The following ARMH4 variants were observed in gnomAD, a reference collection of about 807,000 sequenced individuals.
ARMH4 encodes the protein armadillo like helical domain containing 4.
A neutral mutation model predicts 61.9 loss-of-function variants in ARMH4; 49 were observed. The observed-to-expected ratio is 0.79, with a 90% CI of 0.63 to 1.00. The LOEUF (loss-of-function observed/expected upper bound fraction) is 1.00, where lower values mean the gene tolerates loss of function less well. Among genes scored for constraint, ARMH4 ranks in the 50% least tolerant of loss-of-function variants. The probability of loss-of-function intolerance (pLI) is 0.00; values close to 1 mark genes in which losing one functional copy is unlikely to be tolerated. For missense variants in ARMH4, 934 were observed against 930.0 expected (o/e 1.00, Z -0.06); for synonymous variants, 368 against 341.5 (o/e 1.08, Z -0.85).
At chr14:58,094,426 G>A (rs927436137) in intron 5 of ARMH4, among the ~76,000 whole-genome samples, 3 of 151,622 alleles carry the variant, frequency 2.0e-5, no homozygotes, top group Non-Finnish European at 2.9e-5. Context: ...CCTCAAGCCT[G>A]ACAAGCCTTA....
At chr14:58,121,596 T>C (rs1886727686) in intron 4 of ARMH4, among the ~76,000 whole-genome samples, 1 of 152,230 alleles carries the variant, frequency 6.6e-6, no homozygotes, top group Non-Finnish European at 1.5e-5. Context: ...TTAGCAAACG[T>C]GATGAACATT....
chr14:58,064,053 T>C (rs184277558), intron 5 of ARMH4, among the ~76,000 whole-genome samples: 30 of 152,342 alleles, frequency 2.0e-4, no homozygotes, highest in African/African-American at 4.1e-4. Context: ...GATTTAGCTA[T>C]ACTTACAATA....
intron 5 of ARMH4, among the ~76,000 whole-genome samples, chr14:58,048,787 A>C (rs766352158): frequency 1.9e-4 from 29 of 152,358 alleles, no homozygotes; most frequent in Non-Finnish European, 3.8e-4. Context: ...AGTGACTGAC[A>C]TTGAGTGTGA....
At position 58,100,606 on chromosome 14, in the gene ARMH4, G is replaced by A. The variant is rs894571344; in HGVS notation, c.1832-3625C>T. Among the ~76,000 whole-genome samples, 9 of 152,256 alleles carry A rather than the reference G, an allele frequency of 5.9e-5. No homozygotes were observed. The South Asian group carries it at 1.0e-3, about 18-fold the overall frequency. On this transcript the variant is annotated intron_variant, in intron 4 of 7. Coordinates refer to ENST00000267485, the MANE Select transcript of ARMH4 (RefSeq NM_001001872.4). ...GAGGCTGGATAGAGGAAACATGATGGAAATTTAGGTTATTAGGAAAACTAT... is the reference window on the plus strand; with the variant it reads ...GAGGCTGGATAGAGGAAACATGATGAAAATTTAGGTTATTAGGAAAACTAT...
chr14:58,044,118 A>C (rs1883834571), intron 5 of ARMH4, among the ~76,000 whole-genome samples: 1 of 152,202 alleles, frequency 6.6e-6, no homozygotes, highest in Admixed American at 6.5e-5. Flanking sequence ...AAACTACTTT[A>C]AAGTTCATAT....
chr14:58,013,919 G>A (rs1290560847), intron 5 of ARMH4, among the ~76,000 whole-genome samples: 1 of 152,034 alleles, frequency 6.6e-6, no homozygotes, highest in Non-Finnish European at 1.5e-5. Flanking sequence ...CGCAGCTCAG[G>A]AGACTGAGGT....
At chr14:58,071,390 T>C (rs1251549360) in intron 5 of ARMH4, among the ~76,000 whole-genome samples, 2 of 152,180 alleles carry the variant, frequency 1.3e-5, no homozygotes, top group African/African-American at 2.4e-5. Context: ...TCACTAGAGA[T>C]AGAGCAAATA....
At chr14:58,144,914 T>C (rs1320630843) in intron 1 of ARMH4, among the ~76,000 whole-genome samples, 2 of 151,890 alleles carry the variant, frequency 1.3e-5, no homozygotes, top group Non-Finnish European at 2.9e-5. Context: ...AACAAGAGAA[T>C]TGACAGTCAA....
intron 5 of ARMH4, among the ~76,000 whole-genome samples, chr14:58,070,168 A>C (rs1272643992): frequency 6.6e-6 from 1 of 152,194 alleles, no homozygotes; most frequent in Non-Finnish European, 1.5e-5. Flanking sequence ...AACTTAGACA[A>C]TGAGGGTTCC....
At chr14:58,101,851 G>A (rs1332825363) in intron 4 of ARMH4, among the ~76,000 whole-genome samples, 7 of 152,080 alleles carry the variant, frequency 4.6e-5, no homozygotes, top group African/African-American at 7.2e-5. Flanking sequence ...TTTAAAATAC[G>A]TTAAAGATAT....
intron 5 of ARMH4, among the ~76,000 whole-genome samples, chr14:58,022,441 T>C (rs944259741): frequency 1.3e-5 from 2 of 152,218 alleles, no homozygotes; most frequent in African/African-American, 2.4e-5. Context: ...AGACATCTTT[T>C]GGGGAAGCCA....
chr14:58,115,053 C>T (rs903144571), intron 4 of ARMH4, among the ~76,000 whole-genome samples: 6 of 152,084 alleles, frequency 3.9e-5, no homozygotes, highest in African/African-American at 1.4e-4. Flanking sequence ...ATGACTAAGT[C>T]CCCAAAAGCA....
chr14:58,105,060 T>G (rs551035331), intron 4 of ARMH4, among the ~76,000 whole-genome samples: 1 of 152,270 alleles, frequency 6.6e-6, no homozygotes, highest in African/African-American at 2.4e-5. Flanking sequence ...AATCTTTCAA[T>G]TAGTTACACC....
At chr14:58,031,664 A>G (rs1594705168) in intron 5 of ARMH4, among the ~76,000 whole-genome samples, 2 of 152,208 alleles carry the variant, frequency 1.3e-5, no homozygotes, top group African/African-American at 4.8e-5. Context: ...CAACTCTAAG[A>G]AAAAGGCTTC....
intron 6 of ARMH4, 124 bp from the exon 7 acceptor site, chr14:58,005,306 G>C: frequency 1.6e-6 from 2 of 1,255,080 alleles, no homozygotes; most frequent in Non-Finnish European, 2.2e-6. Flanking sequence ...TTTGTTGTAA[G>C]ATAAAACTAA....
chr14:58,061,966 C>T (rs183782776), intron 5 of ARMH4, among the ~76,000 whole-genome samples: 16 of 142,240 alleles, frequency 1.1e-4, no homozygotes, highest in Non-Finnish European at 4.7e-5. Flanking sequence ...CAGATTTACC[C>T]ATTTTATCTT....
chr14:58,023,033 C>A (rs992341986), intron 5 of ARMH4, among the ~76,000 whole-genome samples: 3 of 152,154 alleles, frequency 2.0e-5, no homozygotes, highest in African/African-American at 7.2e-5. Flanking sequence ...ATCATCTGAG[C>A]CTTCACAGAC....
At chr14:58,070,266 A>AT (rs1402381482) in intron 5 of ARMH4, among the ~76,000 whole-genome samples, 3 of 152,190 alleles carry the variant, frequency 2.0e-5, no homozygotes, top group Non-Finnish European at 4.4e-5. Flanking sequence ...CTGTACTTGA[A>AT]TAGGGGTTAG....
chr14:58,092,095 C>G (rs1468637260), intron 5 of ARMH4, among the ~76,000 whole-genome samples: 1 of 152,090 alleles, frequency 6.6e-6, no homozygotes, highest in Non-Finnish European at 1.5e-5. Context: ...TAATCTATTC[C>G]AAGAGTTTGC....
Sources: gnomAD v4.1 joint callset for allele counts (sites outside exome capture counted in the v4.1 genomes callset) on GRCh38, gnomAD v4.1.1 for gene constraint, MANE v1.5 for transcripts, NCBI Gene and HGNC (gene_info 2026-07-23, HGNC 2026-07-21) for gene names.